RAD54B: variants seen among roughly 807,000 people sequenced by gnomAD.
The protein encoded by RAD54B is DNA repair and recombination protein RAD54B.
In RAD54B, 78 loss-of-function variants were observed where a neutral mutation model predicts 95.8. That is an observed-to-expected ratio of 0.81 (90% CI 0.68 to 0.98). RAD54B has a LOEUF of 0.98. Ranked by LOEUF, RAD54B falls within the 50% of genes least tolerant of loss-of-function variation. RAD54B has a pLI of 0.00. For missense variants in RAD54B, 957 were observed against 1,056.6 expected (o/e 0.91, Z 1.31); for synonymous variants, 328 against 354.9 (o/e 0.92, Z 0.85).
At chr8:94,417,609 A>C (rs1309435702) in intron 3 of RAD54B, among the ~76,000 whole-genome samples, 1 of 152,142 alleles carries the variant, frequency 6.6e-6, no homozygotes, top group Non-Finnish European at 1.5e-5. Context: ...GACTCTTTAA[A>C]AGTTAAACAT....
In RAD54B at chr8:94,426,331, T is replaced by C. The variant is rs76731162; in HGVS notation, c.305-15016A>G. The stretch of plus-strand genomic sequence containing the variant: ...AAAATGATATAATCACTTTAGAAAA[T>C]GTCTGGCAATTTCTTAAAGGTTAAG... On this transcript the variant is annotated intron_variant, in intron 3 of 14. Transcript: ENST00000336148. Among the ~76,000 whole-genome samples, 35 of 151,514 alleles carry C rather than the reference T, an allele frequency of 2.3e-4. No homozygotes were observed. The East Asian group carries it at 6.2e-3, about 27-fold the overall frequency.
rs942474569 is a variant in RAD54B, at chr8:94,459,019, A to G, written c.136-583T>C. Among the ~76,000 whole-genome samples, 25 of 152,326 alleles carry G rather than the reference A, an allele frequency of 1.6e-4. 1 individual carries two copies. The highest frequency in any genetic ancestry group is 1.4e-3 in the Admixed American group (22 of 15,302). On this transcript the variant is annotated intron_variant, in intron 2 of 14. Transcript: ENST00000336148. ...TTTTAAACATATCAGAAGTTTTTAA[A>G]CAAATCATAACATGCCATTCTCATA...
intron 3 of RAD54B, among the ~76,000 whole-genome samples, chr8:94,457,753 T>C (rs1812811584): frequency 6.6e-6 from 1 of 152,240 alleles, no homozygotes; most frequent in Non-Finnish European, 1.5e-5. Context: ...TAACAAATAG[T>C]GTTCTCTTAC....
intron 3 of RAD54B, chr8:94,431,706 T>C (rs1812100680): frequency 2.0e-6 from 2 of 985,160 alleles, no homozygotes; most frequent in African/African-American, 1.7e-5. Context: ...TAAAAACCAA[T>C]GTCATACAGA....
intron 3 of RAD54B, among the ~76,000 whole-genome samples, chr8:94,445,155 G>GTTC (rs1244971019): frequency 6.6e-6 from 1 of 152,074 alleles, no homozygotes; most frequent in Admixed American, 6.5e-5. Context: ...CCATTTCCTG[G>GTTC]TTCTTAGATG....
rs889436607 is a variant in RAD54B, at chr8:94,391,827, T to C, written c.1591A>G (p.Thr531Ala). The C allele has an allele frequency of 6.8e-6, 11 of 1,613,844 alleles. No homozygotes were observed. The highest frequency in any genetic ancestry group is 9.3e-6 in the Non-Finnish European group (11 of 1,179,928). The change falls in exon 10 of 15, where the codon ACC (threonine) becomes GCC (alanine). Residue 531 changes from threonine to alanine, a missense_variant. Transcript: ENST00000336148. ...AGATATTTATTTATAATTTCTTGGG[T>C]TCTTCTAAGGATAAAGAGTCCAGTG... is the stretch of plus-strand genomic sequence containing the variant. ...CLTGLFILRR[T>A]QEIINKYLPP...
chr8:94,395,609 G>C (rs1811124870), intron 8 of RAD54B, among the ~76,000 whole-genome samples: 3 of 152,152 alleles, frequency 2.0e-5, no homozygotes, highest in African/African-American at 7.2e-5. Flanking sequence ...CCCAGAAAAG[G>C]AGAGCTAGAA....
chr8:94,432,494 T>C, intron 3 of RAD54B: 1 of 1,550,650 alleles, frequency 6.4e-7, no homozygotes, highest in Non-Finnish European at 8.7e-7. Flanking sequence ...CATGTTCTTC[T>C]CTTTGCTCTA....
intron 3 of RAD54B, among the ~76,000 whole-genome samples, chr8:94,444,965 A>G (rs1812486755): frequency 6.6e-6 from 1 of 152,196 alleles, no homozygotes; most frequent in South Asian, 2.1e-4. Context: ...GATAACTGTC[A>G]GCGAGCAGGC....
At chr8:94,376,101 T>C (rs1248350711) in intron 14 of RAD54B, among the ~76,000 whole-genome samples, 1 of 152,070 alleles carries the variant, frequency 6.6e-6, no homozygotes, top group Admixed American at 6.5e-5. Flanking sequence ...AATTCTACAC[T>C]AGGCAATTAA....
chr8:94,430,733 A>G (rs1812071598), intron 3 of RAD54B: 2 of 964,996 alleles, frequency 2.1e-6, no homozygotes, highest in South Asian at 9.6e-5. Flanking sequence ...GTTATTTGCA[A>G]ACATTTTAAA....
chr8:94,425,061 CAAAA>C (rs71273335), intron 3 of RAD54B, among the ~76,000 whole-genome samples: 4,424 of 82,326 alleles, frequency 0.054, 85 homozygotes, highest in Middle Eastern at 0.076. Flanking sequence ...GACCCCATCT[CAAAA>C]AAAAAAAAAA....
chr8:94,472,543 T>C (rs542768866), intron 1 of RAD54B, among the ~76,000 whole-genome samples: 17 of 152,308 alleles, frequency 1.1e-4, no homozygotes, highest in African/African-American at 3.8e-4. Context: ...AAATATGATG[T>C]CCACATCATG....
chr8:94,400,957 A>C (rs1342543323), intron 6 of RAD54B, among the ~76,000 whole-genome samples: 1 of 152,130 alleles, frequency 6.6e-6, no homozygotes, highest in Non-Finnish European at 1.5e-5. Flanking sequence ...AACACTAAAC[A>C]CTTGATATAA....
chr8:94,423,339 G>A (rs560676079), intron 3 of RAD54B, among the ~76,000 whole-genome samples: 22 of 152,182 alleles, frequency 1.4e-4, no homozygotes, highest in Admixed American at 3.9e-4. Context: ...CCAAGATCGC[G>A]CCACTGCACT....
chr8:94,387,111 A>G lies in RAD54B; in HGVS notation c.1858T>C (p.Tyr620His). The change falls in exon 11 of 15, where the codon TAC (tyrosine) becomes CAC (histidine). Residue 620 changes from tyrosine to histidine, a missense_variant. Tyr to His is a moderately conservative substitution (Grantham distance 83). Coordinates refer to ENST00000336148, the MANE Select transcript of RAD54B (RefSeq NM_012415.3). ...GGAAACACACTTAGCAAGCCTTTGT[A>G]TAGACTCTTTTCTTCATTTTTATCA... ...TCDKNEEKSL[Y>H]KGLLSVFPAD... 1.2e-6 allele frequency: 2 copies of G among 1,608,428 alleles called. No homozygotes were observed.
At chr8:94,466,903 T>G (rs1424403043) in intron 2 of RAD54B, among the ~76,000 whole-genome samples, 1 of 152,194 alleles carries the variant, frequency 6.6e-6, no homozygotes, top group Non-Finnish European at 1.5e-5. Flanking sequence ...AAGTTTATTT[T>G]ATAGACTCAA....
chr8:94,446,967 G>C (rs1276810849), intron 3 of RAD54B, among the ~76,000 whole-genome samples: 1 of 114,302 alleles, frequency 8.7e-6, no homozygotes, highest in Non-Finnish European at 1.7e-5. Flanking sequence ...ATGAGAGGAA[G>C]ATAAGACTTA....
chr8:94,467,339 A>G, intron 2 of RAD54B, 66 bp downstream of exon 2: 3 of 1,357,232 alleles, frequency 2.2e-6, no homozygotes, highest in Non-Finnish European at 2.0e-6. Flanking sequence ...AACTCTTTAA[A>G]TGGCATTTTC....
Sources: gnomAD v4.1 joint callset for allele counts (sites outside exome capture counted in the v4.1 genomes callset) on GRCh38, gnomAD v4.1.1 for gene constraint, MANE v1.5 for transcripts, NCBI Gene and HGNC (gene_info 2026-07-23, HGNC 2026-07-21) for gene names.